The following KIAA1958 variants were observed in gnomAD, a reference collection of about 807,000 sequenced individuals.
The protein encoded by KIAA1958 is KIAA1958.
KIAA1958 carries 14 observed loss-of-function variants against 47.2 expected under a neutral mutation model. That is an observed-to-expected ratio of 0.30 (90% CI 0.20 to 0.46). The LOEUF is 0.46. Among genes scored for constraint, KIAA1958 ranks in the 20% least tolerant of loss-of-function variants. KIAA1958 has a pLI of 1.00. For synonymous variants in KIAA1958, 354 were observed against 353.3 expected, an observed-to-expected ratio of 1.00 and a Z score of -0.02; for missense variants, 803 against 909.2, an observed-to-expected ratio of 0.88 and a Z score of 1.50.
intron 2 of KIAA1958, among the ~76,000 whole-genome samples, chr9:112,627,251 A>G (rs974211310): frequency 4.6e-5 from 7 of 152,222 alleles, no homozygotes; most frequent in Admixed American, 3.3e-4. Context: ...AAGAATTCTG[A>G]ACTTTTCTAA....
chr9:112,639,468 G>A (rs982628388), intron 2 of KIAA1958, among the ~76,000 whole-genome samples: 3 of 152,058 alleles, frequency 2.0e-5, no homozygotes, highest in African/African-American at 7.2e-5. Context: ...TGCTGCTTAG[G>A]CTATGACACC....
At chr9:112,602,902 A>G (rs1836158977) in intron 2 of KIAA1958, among the ~76,000 whole-genome samples, 1 of 152,188 alleles carries the variant, frequency 6.6e-6, no homozygotes, top group Non-Finnish European at 1.5e-5. Context: ...GTTGGTCTGA[A>G]GTGGATAAGT....
At chr9:112,562,103 C>T (rs1835341010) in intron 1 of KIAA1958, among the ~76,000 whole-genome samples, 1 of 152,108 alleles carries the variant, frequency 6.6e-6, no homozygotes, top group African/African-American at 2.4e-5. Flanking sequence ...TGTATATGTT[C>T]GCTGTCTGGG....
At chr9:112,538,093 G>C (rs886646797) in intron 1 of KIAA1958, among the ~76,000 whole-genome samples, 1 of 152,202 alleles carries the variant, frequency 6.6e-6, no homozygotes, top group Admixed American at 6.5e-5. Context: ...CTCTATGGGA[G>C]GCCAAGGCAG....
At chr9:112,575,868 T>C (rs1211355219) in intron 2 of KIAA1958, among the ~76,000 whole-genome samples, 1 of 152,214 alleles carries the variant, frequency 6.6e-6, no homozygotes, top group Non-Finnish European at 1.5e-5. Context: ...GAAATAATTG[T>C]ACGAGGCCCC....
intron 1 of KIAA1958, among the ~76,000 whole-genome samples, chr9:112,531,968 T>C (rs1834758615): frequency 6.6e-6 from 1 of 152,206 alleles, no homozygotes; most frequent in Non-Finnish European, 1.5e-5. Flanking sequence ...CTGCCATGGC[T>C]GGGGTTGCTG....
Position 112,525,993 on chromosome 9 carries a change from CTTCTTCTT to C in KIAA1958, c.-25+38878_-25+38885del, listed in dbSNP as rs1564159559. Among the ~76,000 whole-genome samples the C allele has an allele frequency of 6.4e-3, 6 of 934 alleles. 1 individual carries two copies. In the African/African-American group the frequency reaches 0.069, roughly 11 times the overall value. 0.6% of individuals were successfully genotyped at this position (934 alleles called of 152,430 possible). On this transcript the variant is annotated intron_variant, in intron 1 of 3. Transcript: ENST00000337530. ...TCTTCTTCTTCTTCTTCTTCTTCTT[CTTCTTCTT>C]TTTTTTTTTAAAGAGATGGGGTCTC...
intron 3 of KIAA1958, 44 bp from the exon 4 acceptor site, chr9:112,659,219 G>C: frequency 2.0e-6 from 3 of 1,526,630 alleles, no homozygotes; most frequent in Non-Finnish European, 2.7e-6. Context: ...GGGTCTGGCT[G>C]TGTGAGTGTC....
intron 2 of KIAA1958, among the ~76,000 whole-genome samples, chr9:112,614,191 G>A (rs1836373840): frequency 6.6e-6 from 1 of 152,082 alleles, no homozygotes; most frequent in Non-Finnish European, 1.5e-5. Context: ...CCATTCATAT[G>A]TGTTACAATA....
intron 1 of KIAA1958, among the ~76,000 whole-genome samples, chr9:112,497,169 A>G (rs1455195159): frequency 6.6e-6 from 1 of 152,178 alleles, no homozygotes; most frequent in African/African-American, 2.4e-5. Flanking sequence ...TAATATTACA[A>G]CCAGGATATT....
intron 3 of KIAA1958, among the ~76,000 whole-genome samples, chr9:112,658,924 G>A (rs548267637): frequency 6.6e-6 from 1 of 150,550 alleles, no homozygotes; most frequent in South Asian, 2.1e-4. Flanking sequence ...GAAGGCTGAG[G>A]CAGGAGAATG....
chr9:112,642,838 A>T (rs1050936760), intron 2 of KIAA1958, among the ~76,000 whole-genome samples: 1 of 152,260 alleles, frequency 6.6e-6, no homozygotes, highest in African/African-American at 2.4e-5. Context: ...ATCCATAAAT[A>T]TAATCATGAA....
At chr9:112,635,617 G>T (rs1836793206) in intron 2 of KIAA1958, among the ~76,000 whole-genome samples, 1 of 152,044 alleles carries the variant, frequency 6.6e-6, no homozygotes, top group African/African-American at 2.4e-5. Context: ...GTGAGTTGTG[G>T]CTTTTCTAGA....
rs1399620825 is a variant in KIAA1958 at position 112,662,097 on chromosome 9, C to T, written c.*2028C>T. On this transcript the variant is annotated 3_prime_UTR_variant, in exon 4 of 4. Coordinates refer to ENST00000337530, the MANE Select transcript of KIAA1958 (RefSeq NM_133465.4). ...TTTTCAAAGGTAGCAATAACTACTC[C>T]AGAGGTTGTAATCTTTCTGTTGGTA... 1 of 152,190 alleles carries T rather than the reference C, an allele frequency of 6.6e-6. No homozygotes were observed. The highest frequency in any genetic ancestry group is 2.4e-5 in the African/African-American group (1 of 41,444). The allele number at this position is 152,190 out of a possible 1,614,324, so 9.4% of individuals were successfully genotyped here. A position where few individuals can be genotyped will look rare whatever the true frequency, so the allele number is the denominator to read the frequency against.
intron 2 of KIAA1958, among the ~76,000 whole-genome samples, chr9:112,614,125 A>C (rs1191509617): frequency 6.6e-6 from 1 of 152,236 alleles, no homozygotes; most frequent in East Asian, 1.9e-4. Flanking sequence ...TGAAGTTCAC[A>C]AACCATAATG....
chr9:112,502,870 G>T (rs771028768), intron 1 of KIAA1958, among the ~76,000 whole-genome samples: 3 of 152,244 alleles, frequency 2.0e-5, no homozygotes, highest in Admixed American at 6.5e-5. Flanking sequence ...GGCAGTGACC[G>T]ATATGTCCAT....
chr9:112,543,162 T>C (rs1473525082), intron 1 of KIAA1958, among the ~76,000 whole-genome samples: 1 of 152,214 alleles, frequency 6.6e-6, no homozygotes, highest in Non-Finnish European at 1.5e-5. Flanking sequence ...GCTTGAATAG[T>C]GCTCACCCAG....
At chr9:112,560,800 G>C in intron 1 of KIAA1958, among the ~76,000 whole-genome samples, 1 of 152,116 alleles carries the variant, frequency 6.6e-6, no homozygotes, top group South Asian at 2.1e-4. Context: ...TTGCAAGGTA[G>C]TTGCTAAGGG....
At chr9:112,588,288 C>T (rs1644913336) in intron 2 of KIAA1958, among the ~76,000 whole-genome samples, 2 of 152,116 alleles carry the variant, frequency 1.3e-5, no homozygotes, top group Non-Finnish European at 1.5e-5. Flanking sequence ...CTTTTCATCC[C>T]GATGAGTTTC....
Sources: allele counts gnomAD v4.1 joint callset (sites outside exome capture counted in the v4.1 genomes callset), GRCh38; gene constraint gnomAD v4.1.1; transcripts MANE v1.5; gene names NCBI Gene and HGNC (gene_info 2026-07-23, HGNC 2026-07-21).